The following SHROOM3 variants were observed in gnomAD, a reference collection of about 807,000 sequenced individuals.
SHROOM3 encodes shroom family member 3, also known as protein Shroom3.
SHROOM3 carries 47 observed loss-of-function variants against 138.6 expected under a neutral mutation model. That is an observed-to-expected ratio of 0.34 (90% confidence interval 0.27 to 0.43). The LOEUF is 0.43. SHROOM3 is among the 20% of genes least tolerant of loss of function. SHROOM3 has a pLI of 1.00. For missense variants in SHROOM3, 2,491 were observed against 2,596.5 expected, an observed-to-expected ratio of 0.96 and a Z score of 0.88; for synonymous variants, 1,062 against 1,063.3, an observed-to-expected ratio of 1.00 and a Z score of 0.02.
intron 1 of SHROOM3, among the ~76,000 whole-genome samples, chr4:76,460,656 G>A (rs1015895275): frequency 1.3e-5 from 2 of 151,520 alleles, no homozygotes; most frequent in Admixed American, 6.6e-5. Context: ...TCTTTCCTCT[G>A]TGCCCCCACA....
chr4:76,619,142 C>G (rs1734945724), intron 2 of SHROOM3, among the ~76,000 whole-genome samples: 1 of 152,202 alleles, frequency 6.6e-6, no homozygotes, highest in African/African-American at 2.4e-5. Flanking sequence ...GCCACTGTGC[C>G]CAGGCTTCTT....
At chr4:76,580,731 T>C (rs1734035454) in intron 2 of SHROOM3, among the ~76,000 whole-genome samples, 1 of 152,176 alleles carries the variant, frequency 6.6e-6, no homozygotes, top group African/African-American at 2.4e-5. Context: ...CCGCCAACTT[T>C]GGGCAAGTTT....
chr4:76,566,127 A>G (rs1207637204), intron 2 of SHROOM3, among the ~76,000 whole-genome samples: 2 of 151,908 alleles, frequency 1.3e-5, no homozygotes, highest in Non-Finnish European at 2.9e-5. Flanking sequence ...AAAAAAAAAA[A>G]AAATCAAGAA....
At chr4:76,627,064 C>G (rs1735166452) in intron 2 of SHROOM3, among the ~76,000 whole-genome samples, 1 of 152,154 alleles carries the variant, frequency 6.6e-6, no homozygotes, top group African/African-American at 2.4e-5. Context: ...AATTGTGTTT[C>G]CCAGATTCTA....
intron 3 of SHROOM3, among the ~76,000 whole-genome samples, chr4:76,714,739 A>AT (rs1053554002): frequency 7.2e-5 from 11 of 152,008 alleles, no homozygotes; most frequent in East Asian, 1.9e-4. Context: ...TATTTCTTTC[A>AT]TTTTTTCTAC....
At chr4:76,632,584 T>A (rs1215716479) in intron 2 of SHROOM3, among the ~76,000 whole-genome samples, 1 of 152,166 alleles carries the variant, frequency 6.6e-6, no homozygotes, top group Non-Finnish European at 1.5e-5. Flanking sequence ...AAGGCTGAAC[T>A]GCAGTGGGTT....
intron 10 of SHROOM3, among the ~76,000 whole-genome samples, chr4:76,776,398 T>G (rs1479687801): frequency 6.6e-6 from 1 of 152,242 alleles, no homozygotes; most frequent in African/African-American, 2.4e-5. Context: ...CTGTGGGTTG[T>G]CTGTTTACTC....
chr4:76,495,531 C>T (rs1731947580), intron 1 of SHROOM3, among the ~76,000 whole-genome samples: 1 of 152,266 alleles, frequency 6.6e-6, no homozygotes, highest in South Asian at 2.1e-4. Context: ...TGCCTTTCTG[C>T]TTCCTTCATT....
rs752284344 is a variant in SHROOM3 at position 76,740,866 on chromosome 4, C to T, written c.2693C>T (p.Pro898Leu). ...AGCACCTTCCAGCTCTCCAGCGAGC[C>T]AGAGAGGGAGCCCGAGTGGCGGGAC... ...SQSTFQLSSE[P>L]EREPEWRDRP... is the part of the protein sequence containing the mutation. Residue 898 changes from proline to leucine, a missense_variant, in exon 5 of 11, where the codon CCA (proline) becomes CTA (leucine). This residue lies in a region of SHROOM3 where 1,733 missense variants were observed against 1,661.6 expected (regional missense o/e 1.04). Coordinates refer to ENST00000296043, the MANE Select transcript of SHROOM3 (RefSeq NM_020859.4). The surrounding 1 kb of genome is among the most constrained non-coding windows in gnomAD (Gnocchi z 4.0). 3.2e-6 allele frequency: 5 copies of T among 1,556,084 alleles called. No homozygotes were observed. Among genetic ancestry groups the T allele is most frequent in the Middle Eastern group, 1.7e-4 (1 of 5,770 alleles).
At position 76,710,167 on chromosome 4, in the gene SHROOM3, C is replaced by G; in HGVS notation, c.335C>G (p.Thr112Arg). ...LRLVVRRDVC[T>R]DPGHADTGAS... is the part of the protein sequence containing the mutation. ...CCTATTGTTGACAGAGATGTGTGCA[C>G]AGACCCAGGCCATGCAGATACTGGT... Residue 112 changes from threonine to arginine, a missense_variant, in exon 3 of 11, where the codon ACA (threonine) becomes AGA (arginine). Around this residue, in one of 4 missense-constraint regions of SHROOM3, gnomAD observed 284 missense variants for 322.8 expected, o/e 0.88. Transcript: ENST00000296043. The G allele has an allele frequency of 6.2e-7, 1 of 1,614,090 alleles. No individual in the cohort carries two copies. The highest frequency in any genetic ancestry group is 1.7e-5 in the Admixed American group (1 of 60,016).
intron 3 of SHROOM3, among the ~76,000 whole-genome samples, chr4:76,726,397 T>TAA (rs1720705101): frequency 6.6e-6 from 1 of 151,954 alleles, no homozygotes; most frequent in Non-Finnish European, 1.5e-5. Flanking sequence ...TTGTGACTTG[T>TAA]AAATTTCTAT....
chr4:76,461,075 T>C (rs1731133568), intron 1 of SHROOM3, among the ~76,000 whole-genome samples: 1 of 151,808 alleles, frequency 6.6e-6, no homozygotes, highest in Non-Finnish European at 1.5e-5. Context: ...TCATAATGGC[T>C]TTATTTTAAC....
chr4:76,717,478 A>G (rs984699269), intron 3 of SHROOM3, among the ~76,000 whole-genome samples: 1 of 151,916 alleles, frequency 6.6e-6, no homozygotes, highest in African/African-American at 2.4e-5. Flanking sequence ...CATTACGTCT[A>G]TGTTACACCT....
chr4:76,754,267 CCTTT>C, intron 6 of SHROOM3, 40 bp from the exon 7 acceptor site: 1 of 1,613,360 alleles, frequency 6.2e-7, no homozygotes, highest in Non-Finnish European at 8.5e-7. Context: ...CATGTTTGCC[CCTTT>C]CTTCAGAGCT....
intron 2 of SHROOM3, among the ~76,000 whole-genome samples, chr4:76,612,691 C>A (rs190853669): frequency 7.2e-5 from 11 of 152,224 alleles, no homozygotes; most frequent in African/African-American, 2.4e-4. Context: ...GTAATCCCAG[C>A]ACTTTGGAAC....
intron 2 of SHROOM3, among the ~76,000 whole-genome samples, chr4:76,584,053 G>A (rs1031642406): frequency 5.3e-5 from 8 of 152,254 alleles, no homozygotes; most frequent in East Asian, 3.9e-4. Flanking sequence ...GGCGGCTCAC[G>A]CCTATAATCC....
intron 1 of SHROOM3, among the ~76,000 whole-genome samples, chr4:76,548,017 A>T (rs1733262049): frequency 6.6e-6 from 1 of 150,834 alleles, no homozygotes; most frequent in Admixed American, 6.6e-5. Context: ...AAGTAGTATT[A>T]GGGGAGGCTG....
intron 2 of SHROOM3, among the ~76,000 whole-genome samples, chr4:76,682,430 C>T (rs373216144): frequency 7.2e-5 from 11 of 152,274 alleles, no homozygotes; most frequent in Middle Eastern, 3.4e-3. Flanking sequence ...GAATTCAGTC[C>T]GCACTTTTGA....
intron 1 of SHROOM3, among the ~76,000 whole-genome samples, chr4:76,441,533 C>A (rs1730691381): frequency 6.6e-6 from 1 of 152,172 alleles, no homozygotes; most frequent in Admixed American, 6.5e-5. Flanking sequence ...ATAGCCAATC[C>A]TTTCTGACTT....
Sources: gnomAD v4.1 joint callset for allele counts (sites outside exome capture counted in the v4.1 genomes callset) on GRCh38, gnomAD v4.1.1 for gene constraint, gnomAD v4.1.1 regional missense constraint, Gnocchi (gnomAD v3.1) non-coding constraint, MANE v1.5 for transcripts, NCBI Gene and HGNC (gene_info 2026-07-23, HGNC 2026-07-21) for gene names.